The following UNC13C variants were observed in gnomAD, a reference collection of about 807,000 sequenced individuals.
UNC13C encodes unc-13 homolog C.
UNC13C carries 174 observed loss-of-function variants against 245.4 expected under a neutral mutation model. The observed-to-expected ratio is 0.71, with a 90% CI of 0.63 to 0.80. The LOEUF (loss-of-function observed/expected upper bound fraction) is 0.80, where lower values mean the gene tolerates loss of function less well. Among genes scored for constraint, UNC13C ranks in the 30% least tolerant of loss-of-function variants. UNC13C has a pLI of 0.00. For synonymous variants in UNC13C, 992 were observed against 895.1 expected, an observed-to-expected ratio of 1.11 and a Z score of -1.93; for missense variants, 2,829 against 2,602.9, an observed-to-expected ratio of 1.09 and a Z score of -1.89.
chr15:54,612,013 G>A (rs1393260711), intron 30 of UNC13C, among the ~76,000 whole-genome samples: 1 of 151,992 alleles, frequency 6.6e-6, no homozygotes, highest in Non-Finnish European at 1.5e-5. Flanking sequence ...GATTTACTCA[G>A]CAATTACAAA....
chr15:54,109,313 C>A (rs184320774), intron 2 of UNC13C, among the ~76,000 whole-genome samples: 1,039 of 71,826 alleles, frequency 0.014, 17 homozygotes, highest in African/African-American at 0.055. Flanking sequence ...CCCCTCCCCT[C>A]CCCTCCCTTT....
At chr15:54,421,622 A>G (rs2040645868) in intron 19 of UNC13C, among the ~76,000 whole-genome samples, 1 of 152,098 alleles carries the variant, frequency 6.6e-6, no homozygotes, top group Admixed American at 6.6e-5. Context: ...CAAAGTTGAG[A>G]ACCACTGCTC....
intron 25 of UNC13C, among the ~76,000 whole-genome samples, chr15:54,530,972 G>A (rs1373709867): frequency 6.6e-6 from 1 of 152,156 alleles, no homozygotes; most frequent in Admixed American, 6.5e-5. Flanking sequence ...AAGGCTATCT[G>A]TAGAGGGTTG....
At chr15:53,966,966 G>GGTA in the UNC13C span, among the ~76,000 whole-genome samples, 1 of 151,864 alleles carries the variant, frequency 6.6e-6, no homozygotes, top group Non-Finnish European at 1.5e-5. Context: ...ATTTTCCCAA[G>GGTA]GTAGTAATAC....
chr15:54,575,648 G>A (rs1419760521), intron 30 of UNC13C, among the ~76,000 whole-genome samples: 1 of 151,816 alleles, frequency 6.6e-6, no homozygotes, highest in Non-Finnish European at 1.5e-5. Flanking sequence ...AAAATGCTGA[G>A]AAATGTCTTC....
At chr15:54,305,146 A>G (rs1478200836) in intron 13 of UNC13C, among the ~76,000 whole-genome samples, 1 of 152,076 alleles carries the variant, frequency 6.6e-6, no homozygotes, top group Non-Finnish European at 1.5e-5. Flanking sequence ...ACATATTTGC[A>G]ATTGAGGGAA....
the UNC13C span, among the ~76,000 whole-genome samples, chr15:53,901,785 T>A: frequency 2.0e-5 from 3 of 152,200 alleles, no homozygotes; most frequent in Non-Finnish European, 4.4e-5. Flanking sequence ...AGAGTGTATG[T>A]TTACTGCACC....
chr15:54,064,892 C>T (rs1898004852), intron 2 of UNC13C, among the ~76,000 whole-genome samples: 1 of 152,168 alleles, frequency 6.6e-6, no homozygotes, highest in Non-Finnish European at 1.5e-5. Context: ...ATATGAAGTT[C>T]TCAAAATCAG....
At chr15:54,085,351 T>C (rs1899179617) in intron 2 of UNC13C, among the ~76,000 whole-genome samples, 1 of 152,124 alleles carries the variant, frequency 6.6e-6, no homozygotes, top group Admixed American at 6.6e-5. Context: ...TACAAAACAT[T>C]AGAGTCCAGA....
intron 19 of UNC13C, among the ~76,000 whole-genome samples, chr15:54,434,078 A>G (rs1313577702): frequency 6.6e-6 from 1 of 152,164 alleles, no homozygotes; most frequent in Non-Finnish European, 1.5e-5. Context: ...CAATGAAATA[A>G]GAGAAGACAC....
chr15:53,999,684 A>G (rs899720723), intron 1 of UNC13C, among the ~76,000 whole-genome samples: 2 of 151,970 alleles, frequency 1.3e-5, no homozygotes, highest in Admixed American at 1.3e-4. Flanking sequence ...TTAAACCTAT[A>G]AATTCATGTT....
At chr15:54,256,303 ACT>A in intron 8 of UNC13C, among the ~76,000 whole-genome samples, 1 of 152,224 alleles carries the variant, frequency 6.6e-6, no homozygotes, top group South Asian at 2.1e-4. Context: ...ACAGAGGTGT[ACT>A]CTGGATGGGG....
intron 2 of UNC13C, among the ~76,000 whole-genome samples, chr15:54,095,202 A>G (rs1051357382): frequency 6.6e-6 from 1 of 152,188 alleles, no homozygotes; most frequent in African/African-American, 2.4e-5. Flanking sequence ...TTTCTCAGGC[A>G]TCGTGCCTCT....
chr15:54,426,802 C>T (rs1057098103), intron 19 of UNC13C, among the ~76,000 whole-genome samples: 3 of 151,760 alleles, frequency 2.0e-5, no homozygotes, highest in African/African-American at 7.3e-5. Context: ...CAACTCTGTA[C>T]ATCAATTTAT....
the UNC13C span, among the ~76,000 whole-genome samples, chr15:53,874,701 G>A: frequency 2.0e-4 from 31 of 152,216 alleles, no homozygotes; most frequent in East Asian, 5.0e-3. Flanking sequence ...GCCCAAAGCC[G>A]TCTCTCACAT....
intron 2 of UNC13C, among the ~76,000 whole-genome samples, chr15:54,132,441 C>T (rs761103286): frequency 2.6e-5 from 4 of 152,144 alleles, no homozygotes; most frequent in African/African-American, 4.8e-5. Flanking sequence ...TGAGTTAAAT[C>T]AGCATTAATC....
intron 1 of UNC13C, among the ~76,000 whole-genome samples, chr15:54,000,710 C>G (rs1378805890): frequency 6.6e-6 from 1 of 152,052 alleles, no homozygotes; most frequent in Non-Finnish European, 1.5e-5. Context: ...TGTAATAAAA[C>G]TAAGCAAAAT....
chr15:53,899,529 A>T, the UNC13C span, among the ~76,000 whole-genome samples: 1 of 152,148 alleles, frequency 6.6e-6, no homozygotes, highest in Admixed American at 6.6e-5. Flanking sequence ...CACTCTTCTT[A>T]TGCAAACTTT....
At chr15:54,391,169 T>C (rs1484498604) in intron 17 of UNC13C, among the ~76,000 whole-genome samples, 1 of 152,094 alleles carries the variant, frequency 6.6e-6, no homozygotes, top group African/African-American at 2.4e-5. Context: ...GTGTAATAAT[T>C]TTCTTTCATT....
Sources: allele counts gnomAD v4.1 joint callset (sites outside exome capture counted in the v4.1 genomes callset), GRCh38; gene constraint gnomAD v4.1.1; transcripts MANE v1.5; gene names NCBI Gene and HGNC (gene_info 2026-07-23, HGNC 2026-07-21).